The following FN1 variants were observed in gnomAD, a reference collection of about 807,000 sequenced individuals.
The protein encoded by FN1 is fibronectin 1.
A neutral mutation model predicts 297.3 loss-of-function variants in FN1; 106 were observed. The observed-to-expected ratio is 0.36, with a 90% CI of 0.30 to 0.42. The LOEUF is 0.42. Ranked by LOEUF, FN1 falls within the 10% of genes least tolerant of loss-of-function variation. The pLI is 1.00. For missense variants in FN1, 2,690 were observed against 3,124.9 expected, an observed-to-expected ratio of 0.86 and a Z score of 3.32; for synonymous variants, 1,149 against 1,152.6, an observed-to-expected ratio of 1.00 and a Z score of 0.06.
At chr2:215,428,091 C>T in intron 6 of FN1, 89 bp downstream of exon 6, 1 of 1,472,878 alleles carries the variant, frequency 6.8e-7, no homozygotes, top group Non-Finnish European at 9.5e-7. Context: ...AAATTATCCT[C>T]AAATGGCATG....
At chr2:215,424,037 C>CGAT in intron 8 of FN1, 109 bp downstream of exon 8, 1 of 1,104,714 alleles carries the variant, frequency 9.1e-7, no homozygotes, top group Non-Finnish European at 1.4e-6. Context: ...TGAACAAAAG[C>CGAT]GATGCTTCTT....
chr2:215,420,380 G>T (rs191854203), intron 11 of FN1, among the ~76,000 whole-genome samples: 1 of 151,770 alleles, frequency 6.6e-6, no homozygotes, highest in Admixed American at 6.6e-5. Flanking sequence ...AAAAAAAAAG[G>T]AAAGAATACT....
chr2:215,368,449 GTAA>G (rs940076818), intron 41 of FN1, among the ~76,000 whole-genome samples: 1 of 152,096 alleles, frequency 6.6e-6, no homozygotes, highest in African/African-American at 2.4e-5. Context: ...CAATACTAGC[GTAA>G]TAATAAAAAT....
At chr2:215,399,755 G>C (rs1191522605) in intron 20 of FN1, among the ~76,000 whole-genome samples, 3 of 152,092 alleles carry the variant, frequency 2.0e-5, no homozygotes, top group African/African-American at 7.2e-5. Flanking sequence ...ATTTGACTTT[G>C]ATGACAATAA....
intron 26 of FN1, among the ~76,000 whole-genome samples, chr2:215,388,966 G>C (rs936849704): frequency 6.6e-6 from 1 of 152,108 alleles, no homozygotes; most frequent in Non-Finnish European, 1.5e-5. Context: ...GCCAGGACTA[G>C]TGGTCTTAAT....
At chr2:215,428,883 C>T (rs1377977157) in intron 5 of FN1, among the ~76,000 whole-genome samples, 6 of 152,136 alleles carry the variant, frequency 3.9e-5, no homozygotes, top group Admixed American at 6.5e-5. Flanking sequence ...GCTGTGGTGG[C>T]GGGCGCCTGT....
rs1191306823 is a variant in FN1 at position 215,433,840 on chromosome 2, G to A, written c.278-379C>T. On this transcript the variant is annotated intron_variant, in intron 2 of 45. Transcript: ENST00000354785. The stretch of plus-strand genomic sequence containing the variant: ...CGATTGGCCGGGCACAGTGGCTCAC[G>A]CCTGTAATCCCAGCACTTTGGGAGG... Among the ~76,000 whole-genome samples the A allele has an allele frequency of 6.6e-5, 10 of 152,342 alleles. No individual in the cohort carries two copies. The East Asian group carries it at 7.7e-4, about 12-fold the overall frequency.
intron 24 of FN1, among the ~76,000 whole-genome samples, chr2:215,394,193 T>C (rs1559446061): frequency 6.6e-6 from 1 of 152,224 alleles, no homozygotes; most frequent in Non-Finnish European, 1.5e-5. Context: ...ACCATATTAC[T>C]TTGAGCCTAT....
chr2:215,408,920 C>A (rs1026677824), intron 15 of FN1, among the ~76,000 whole-genome samples: 14 of 152,272 alleles, frequency 9.2e-5, no homozygotes, highest in Admixed American at 5.9e-4. Context: ...TTGTCTTTCT[C>A]CTTTCTCCTC....
At position 215,435,863 on chromosome 2, in the gene FN1, C is replaced by T. The variant is rs1037122967; in HGVS notation, c.-61G>A. 7.4e-6 allele frequency: 11 copies of T among 1,494,988 alleles called. No individual in the cohort carries two copies. The Admixed American group carries it at 2.3e-4, about 31-fold the overall frequency. 92.6% of individuals were successfully genotyped at this position (1,494,988 alleles called of 1,614,324 possible). A position where few individuals can be genotyped will look rare whatever the true frequency, so the allele number is the denominator to read the frequency against. The stretch of plus-strand genomic sequence containing the variant: ...GGCAAGTTGCCACCAAGTTTGCTTC[C>T]CTTCGCAACCTGCGGGAAAAATCCC... On this transcript the variant is annotated 5_prime_UTR_variant, in exon 1 of 46. Coordinates refer to ENST00000354785, the MANE Select transcript of FN1 (RefSeq NM_212482.4).
chr2:215,375,464 G>T, intron 37 of FN1, 71 bp from the exon 38 acceptor site: 1 of 1,458,732 alleles, frequency 6.9e-7, no homozygotes, highest in Non-Finnish European at 9.5e-7. Flanking sequence ...CTTTTCTCCC[G>T]AGCCGTTCTA....
chr2:215,428,835 C>A (rs1328529788), intron 5 of FN1, among the ~76,000 whole-genome samples: 1 of 151,972 alleles, frequency 6.6e-6, no homozygotes, highest in Non-Finnish European at 1.5e-5. Flanking sequence ...CATGGTGAAA[C>A]CCCCGTCTCT....
intron 8 of FN1, among the ~76,000 whole-genome samples, chr2:215,423,749 A>ACC (rs34325359): frequency 1.5e-3 from 226 of 150,844 alleles, no homozygotes; most frequent in East Asian, 2.9e-3. Context: ...TTTCCCCAGC[A>ACC]CCCCCCCCAC....
chr2:215,432,117 G>A (rs2066629238), intron 3 of FN1, among the ~76,000 whole-genome samples, 153 bp from the exon 4 acceptor site: 2 of 152,092 alleles, frequency 1.3e-5, no homozygotes, highest in Admixed American at 1.3e-4. Flanking sequence ...TAACAGGTCT[G>A]GTCACTTGGA....
intron 12 of FN1, 88 bp from the exon 13 acceptor site, chr2:215,415,046 C>G (rs2063246006): frequency 2.9e-6 from 3 of 1,021,290 alleles, no homozygotes; most frequent in South Asian, 1.3e-5. Flanking sequence ...TCATTATAAA[C>G]AGCTTTGCTT....
chr2:215,387,082 C>T, intron 27 of FN1, 124 bp from the exon 28 acceptor site: 1 of 789,390 alleles, frequency 1.3e-6, no homozygotes, highest in East Asian at 2.7e-5. Flanking sequence ...TCATCAATAC[C>T]ATGATTTGCC....
chr2:215,419,507 T>C lies in FN1; in HGVS notation c.1676-122A>G, dbSNP rs191391445. The stretch of plus-strand genomic sequence containing the variant: ...ATTTGCAATTGTTCTTACAAATATA[T>C]GCAGTTAAAAAAATATTTTGTTCAC... On this transcript the variant is annotated intron_variant, in intron 11 of 45. Coordinates refer to ENST00000354785, the MANE Select transcript of FN1 (RefSeq NM_212482.4). The C allele has an allele frequency of 5.6e-5, 47 of 842,578 alleles. No individual in the cohort carries two copies. The East Asian group carries it at 6.2e-4, about 11-fold the overall frequency. 52.2% of individuals were successfully genotyped at this position (842,578 alleles called of 1,614,324 possible).
Position 215,397,224 on chromosome 2 carries a change from C to T in FN1, c.3518-1G>A, listed in dbSNP as rs1197983522. 6.2e-7 allele frequency: 1 copy of T among 1,608,480 alleles called. No individual in the cohort carries two copies. Among genetic ancestry groups the T allele is most frequent in the Non-Finnish European group, 8.5e-7 (1 of 1,175,056 alleles). On this transcript the variant is annotated splice_acceptor_variant, in intron 22 of 45. Coordinates refer to ENST00000354785, the MANE Select transcript of FN1 (RefSeq NM_212482.4). LOFTEE classifies it high-confidence loss of function. ...TGCAAGTTTGTTGGTGGAGACAATGCTATGCAGAAAGAACATTTTAAAAGT... is the reference window on the plus strand; with the variant it reads ...TGCAAGTTTGTTGGTGGAGACAATGTTATGCAGAAAGAACATTTTAAAAGT...
intron 35 of FN1, among the ~76,000 whole-genome samples, chr2:215,377,573 G>A (rs575741143): frequency 3.9e-4 from 59 of 152,248 alleles, no homozygotes; most frequent in African/African-American, 1.3e-3. Context: ...CTCCCTAGAA[G>A]CCAAGAAGAT....
Sources: allele counts gnomAD v4.1 joint callset (sites outside exome capture counted in the v4.1 genomes callset), GRCh38; gene constraint gnomAD v4.1.1; transcripts MANE v1.5; gene names NCBI Gene and HGNC (gene_info 2026-07-23, HGNC 2026-07-21).